RFX3: variants seen among roughly 807,000 people sequenced by gnomAD.
The protein encoded by RFX3 is transcription factor RFX3.
RFX3 carries 14 observed loss-of-function variants against 98.6 expected under a neutral mutation model. The ratio of observed to expected loss-of-function variants is 0.14; its 90% CI spans 0.09 to 0.22. The LOEUF (loss-of-function observed/expected upper bound fraction) is 0.22, where lower values mean the gene tolerates loss of function less well. Among genes scored for constraint, RFX3 ranks in the 10% least tolerant of loss-of-function variants. The probability of loss-of-function intolerance (pLI) is 1.00; values close to 1 mark genes in which losing one functional copy is unlikely to be tolerated. For missense variants in RFX3, 639 were observed against 926.9 expected (o/e 0.69, Z 4.03); for synonymous variants, 383 against 328.4 (o/e 1.17, Z -1.80).
At chr9:3,339,421 G>C (rs930177475) in intron 3 of RFX3, among the ~76,000 whole-genome samples, 1 of 152,162 alleles carries the variant, frequency 6.6e-6, no homozygotes, top group African/African-American at 2.4e-5. Flanking sequence ...TGTACGTTAA[G>C]TCTCGAAAGT....
intron 3 of RFX3, among the ~76,000 whole-genome samples, chr9:3,345,854 T>A (rs906760558): frequency 2.0e-5 from 3 of 152,026 alleles, no homozygotes; most frequent in Admixed American, 6.6e-5. Context: ...CGGAAATAAA[T>A]GAAATCACTC....
chr9:3,431,728 G>C (rs926319316), intron 1 of RFX3, among the ~76,000 whole-genome samples: 1 of 152,168 alleles, frequency 6.6e-6, no homozygotes, highest in Non-Finnish European at 1.5e-5. Context: ...GGTAATTTTA[G>C]AAAGAGGCTT....
chr9:3,247,027 T>A, intron 15 of RFX3: 1 of 955,404 alleles, frequency 1.0e-6, no homozygotes, highest in Non-Finnish European at 1.2e-6. Context: ...AGGAAAAGCA[T>A]TGAATAATAT....
chr9:3,262,911 A>G (rs1272111457), intron 13 of RFX3, 24 bp downstream of exon 13: 1 of 1,609,516 alleles, frequency 6.2e-7, no homozygotes, highest in Admixed American at 1.7e-5. Context: ...CTTAAGAGAC[A>G]TGCTTTGCAA....
At chr9:3,415,271 G>C (rs1001513437) in intron 1 of RFX3, among the ~76,000 whole-genome samples, 3 of 149,138 alleles carry the variant, frequency 2.0e-5, no homozygotes, top group Non-Finnish European at 4.4e-5. Context: ...CTAGGGTGCA[G>C]TGGTGCAATC....
At chr9:3,287,125 C>G (rs1826718550) in intron 7 of RFX3, among the ~76,000 whole-genome samples, 1 of 151,816 alleles carries the variant, frequency 6.6e-6, no homozygotes, top group African/African-American at 2.4e-5. Flanking sequence ...GCATGCAGGG[C>G]TTAACATCAG....
At chr9:3,522,557 G>GTT (rs1818826087) in intron 1 of RFX3, among the ~76,000 whole-genome samples, 1 of 67,080 alleles carries the variant, frequency 1.5e-5, no homozygotes, top group Admixed American at 1.5e-4. Flanking sequence ...GTGTGTGTGC[G>GTT]TGTGTGTGTG....
intron 13 of RFX3, among the ~76,000 whole-genome samples, chr9:3,262,711 T>C (rs1823078205): frequency 2.0e-5 from 3 of 152,230 alleles, no homozygotes; most frequent in Admixed American, 2.0e-4. Context: ...ATGCTGGTGA[T>C]ATATTACGTT....
chr9:3,489,997 C>T (rs1384887080), intron 1 of RFX3, among the ~76,000 whole-genome samples: 3 of 151,978 alleles, frequency 2.0e-5, no homozygotes, highest in Non-Finnish European at 2.9e-5. Flanking sequence ...TACAGCACCA[C>T]CGAAAGCTAG....
chr9:3,266,132 G>C (rs1823603475), intron 12 of RFX3, 76 bp downstream of exon 12: 5 of 780,350 alleles, frequency 6.4e-6, no homozygotes, highest in Non-Finnish European at 8.4e-6. Flanking sequence ...AATACCATTT[G>C]ATAGGATAGA....
At chr9:3,377,939 T>C (rs1838732688) in intron 2 of RFX3, among the ~76,000 whole-genome samples, 1 of 152,188 alleles carries the variant, frequency 6.6e-6, no homozygotes, top group African/African-American at 2.4e-5. Context: ...AATATTTACT[T>C]ATAAATTATA....
chr9:3,497,075 G>C (rs912526625), intron 1 of RFX3, among the ~76,000 whole-genome samples: 3 of 151,982 alleles, frequency 2.0e-5, no homozygotes, highest in African/African-American at 7.2e-5. Flanking sequence ...GTCTTCAAGA[G>C]TGAGCTGTGA....
At chr9:3,228,817 C>T (rs772225389) in intron 16 of RFX3, 30 bp downstream of exon 16, 2 of 1,581,786 alleles carry the variant, frequency 1.3e-6, no homozygotes, top group Non-Finnish European at 1.7e-6. Context: ...AATAAAAGTT[C>T]TTAAAATGTA....
rs541493744 is a variant in RFX3, at chr9:3,516,446, G to C, written c.-9+9301C>G. Among the ~76,000 whole-genome samples, 29 of 152,254 alleles carry C rather than the reference G, an allele frequency of 1.9e-4. No individual in the cohort carries two copies. The East Asian group carries it at 5.2e-3, about 27-fold the overall frequency. On this transcript the variant is annotated intron_variant, in intron 1 of 16. Coordinates refer to ENST00000617270, the MANE Select transcript of RFX3 (RefSeq NM_001282116.2). The stretch of plus-strand genomic sequence containing the variant: ...CTGAATTAAAAGAATGCTTATCCAA[G>C]TATAAACAATATTAAGAAAAAGAAA...
At chr9:3,378,550 TC>T (rs1838805100) in intron 2 of RFX3, among the ~76,000 whole-genome samples, 1 of 150,640 alleles carries the variant, frequency 6.6e-6, no homozygotes, top group Non-Finnish European at 1.5e-5. Context: ...ATATTTTTTT[TC>T]TTTCTTTTTT....
intron 16 of RFX3, among the ~76,000 whole-genome samples, chr9:3,226,006 T>C (rs1817719646): frequency 6.6e-6 from 1 of 152,216 alleles, no homozygotes; most frequent in Non-Finnish European, 1.5e-5. Context: ...ACGTTTTATA[T>C]TAACTAAAGC....
intron 1 of RFX3, among the ~76,000 whole-genome samples, chr9:3,514,001 C>G (rs1207483720): frequency 2.6e-5 from 4 of 152,090 alleles, no homozygotes; most frequent in African/African-American, 9.7e-5. Flanking sequence ...AATATTTTAA[C>G]CTCCTATAAT....
chr9:3,254,506 A>T (rs1159921707), intron 14 of RFX3, among the ~76,000 whole-genome samples: 2 of 152,118 alleles, frequency 1.3e-5, no homozygotes, highest in Admixed American at 6.5e-5. Flanking sequence ...ATGAATAAAA[A>T]GAAACTGTTG....
At chr9:3,235,766 T>C (rs1012663347) in intron 15 of RFX3, among the ~76,000 whole-genome samples, 1 of 152,170 alleles carries the variant, frequency 6.6e-6, no homozygotes, top group African/African-American at 2.4e-5. Flanking sequence ...TGTTAGTATG[T>C]AGTATTCTAC....
Sources: gnomAD v4.1 joint callset for allele counts (sites outside exome capture counted in the v4.1 genomes callset) on GRCh38, gnomAD v4.1.1 for gene constraint, MANE v1.5 for transcripts, NCBI Gene and HGNC (gene_info 2026-07-23, HGNC 2026-07-21) for gene names.